The following INPP5B variants were observed in gnomAD, a reference collection of about 807,000 sequenced individuals.
INPP5B encodes the protein inositol polyphosphate-5-phosphatase B, also known as type II inositol 1,4,5-trisphosphate 5-phosphatase.
INPP5B carries 90 observed loss-of-function variants against 118.5 expected under a neutral mutation model. The ratio of observed to expected loss-of-function variants is 0.76; its 90% CI spans 0.64 to 0.90. The LOEUF is 0.90. Ranked by LOEUF, INPP5B falls within the 40% of genes least tolerant of loss-of-function variation. The probability of loss-of-function intolerance (pLI) is 0.00; values close to 1 mark genes in which losing one functional copy is unlikely to be tolerated. For missense variants in INPP5B, 984 were observed against 1,125.6 expected, an observed-to-expected ratio of 0.87 and a Z score of 1.80; for synonymous variants, 385 against 418.9, an observed-to-expected ratio of 0.92 and a Z score of 0.99.
chr1:37,927,989 C>T (rs1264918294), intron 7 of INPP5B, among the ~76,000 whole-genome samples: 2 of 152,162 alleles, frequency 1.3e-5, no homozygotes, highest in Non-Finnish European at 2.9e-5. Context: ...ACCAGATTCA[C>T]CTATCCCCCA....
At chr1:37,882,238 A>G (rs559198830) in intron 14 of INPP5B, among the ~76,000 whole-genome samples, 1 of 152,238 alleles carries the variant, frequency 6.6e-6, no homozygotes, top group Admixed American at 6.5e-5. Context: ...TCTGAAATCT[A>G]CTGAAAGAAG....
intron 7 of INPP5B, among the ~76,000 whole-genome samples, chr1:37,899,599 TAGGCCAAAAGG>T (rs1350360061): frequency 6.6e-6 from 1 of 152,042 alleles, no homozygotes; most frequent in East Asian, 1.9e-4. Context: ...AAGGTACCTC[TAGGCCAAAAGG>T]AATCCCTAAC....
At chr1:37,946,712 T>C (rs1646122970) in intron 1 of INPP5B, among the ~76,000 whole-genome samples, 1 of 152,162 alleles carries the variant, frequency 6.6e-6, no homozygotes, top group African/African-American at 2.4e-5. Context: ...TTTGTTCTGC[T>C]AGCGCCTCTC....
chr1:37,897,305 G>A (rs529003598), intron 7 of INPP5B, among the ~76,000 whole-genome samples: 1 of 147,734 alleles, frequency 6.8e-6, no homozygotes, highest in Non-Finnish European at 1.5e-5. Flanking sequence ...GGGGAAGGTG[G>A]GGAAAAGATT....
intron 6 of INPP5B, among the ~76,000 whole-genome samples, chr1:37,937,657 C>T (rs1645746396): frequency 1.3e-5 from 2 of 151,968 alleles, no homozygotes; most frequent in East Asian, 1.9e-4. Context: ...GTCCCAGCTA[C>T]TCGGGACGCT....
chr1:37,884,991 G>A (rs1408012257), intron 13 of INPP5B: 1 of 152,036 alleles, frequency 6.6e-6, no homozygotes, highest in Non-Finnish European at 1.5e-5. Context: ...ACCTTCCCAA[G>A]GACACATGAT....
chr1:37,928,280 T>C (rs1490263575), intron 7 of INPP5B, among the ~76,000 whole-genome samples: 4 of 152,054 alleles, frequency 2.6e-5, no homozygotes, highest in Non-Finnish European at 5.9e-5. Flanking sequence ...TTCAACTGAT[T>C]CTCCTGCCTC....
At chr1:37,931,488 C>T in intron 7 of INPP5B, 2 of 1,533,892 alleles carry the variant, frequency 1.3e-6, no homozygotes, top group Non-Finnish European at 8.7e-7. Flanking sequence ...ACCCTCGTCA[C>T]GCACGCCTAA....
At chr1:37,940,650 A>G in intron 6 of INPP5B, 38 bp downstream of exon 6, 1 of 1,263,192 alleles carries the variant, frequency 7.9e-7, no homozygotes, top group Non-Finnish European at 1.2e-6. Context: ...AATACCCAGC[A>G]ACCCACCCAC....
chr1:37,916,667 C>G (rs993188853), intron 7 of INPP5B, among the ~76,000 whole-genome samples: 1 of 152,174 alleles, frequency 6.6e-6, no homozygotes, highest in South Asian at 2.1e-4. Context: ...CCGCCTGCCT[C>G]AGCCTCCCAA....
chr1:37,934,040 T>C (rs2148670628), intron 6 of INPP5B, among the ~76,000 whole-genome samples: 1 of 152,010 alleles, frequency 6.6e-6, no homozygotes, highest in South Asian at 2.1e-4. Context: ...TTCAAATGAT[T>C]CTCCTGCCTC....
At position 37,917,308 on chromosome 1, in the gene INPP5B, T is replaced by TTATATATATATATATA. The variant is rs368327131; in HGVS notation, c.532+14589_532+14604dup. On this transcript the variant is annotated intron_variant, in intron 7 of 23. Transcript: ENST00000373024. ...CGTCTCGGGGGAAAAAAAAAAATAA[T>TTATATATATATATATA]TATATATATATATATATATATATAT... Among the ~76,000 whole-genome samples the TTATATATATATATATA allele has an allele frequency of 8.1e-3, 747 of 92,650 alleles. 15 individuals are homozygous for TTATATATATATATATA. The highest frequency in any genetic ancestry group is 0.011 in the Non-Finnish European group (533 of 48,722). 60.8% of individuals were successfully genotyped at this position (92,650 alleles called of 152,430 possible).
chr1:37,903,974 T>C (rs1644419005), intron 7 of INPP5B, among the ~76,000 whole-genome samples: 1 of 152,190 alleles, frequency 6.6e-6, no homozygotes, highest in Non-Finnish European at 1.5e-5. Context: ...CTTTGGGAAA[T>C]AAAAACAGTT....
intron 7 of INPP5B, among the ~76,000 whole-genome samples, chr1:37,896,488 G>T (rs1455020085): frequency 4.2e-5 from 6 of 143,284 alleles, no homozygotes; most frequent in African/African-American, 1.6e-4. Flanking sequence ...TCAGCCCCCC[G>T]CCCGGCCAGC....
intron 7 of INPP5B, chr1:37,930,437 G>A (rs1228932738): frequency 6.6e-6 from 1 of 152,246 alleles, no homozygotes; most frequent in Non-Finnish European, 1.5e-5. Flanking sequence ...CTGGTGTACT[G>A]GCTGAGAACA....
chr1:37,929,474 G>A (rs918850902), intron 7 of INPP5B: 2 of 152,014 alleles, frequency 1.3e-5, no homozygotes, highest in Non-Finnish European at 2.9e-5. Context: ...ATCAAAAAGT[G>A]GGTATTTTGA....
At chr1:37,936,175 ACC>A (rs941683044) in intron 6 of INPP5B, among the ~76,000 whole-genome samples, 1 of 151,742 alleles carries the variant, frequency 6.6e-6, no homozygotes, top group African/African-American at 2.4e-5. Flanking sequence ...CTCTCTGCTG[ACC>A]CCTCCTGGCT....
At chr1:37,938,025 C>A (rs998986603) in intron 6 of INPP5B, among the ~76,000 whole-genome samples, 1 of 148,608 alleles carries the variant, frequency 6.7e-6, no homozygotes, top group Non-Finnish European at 1.5e-5. Context: ...GTAATCCCAG[C>A]ACATTGGGAG....
chr1:37,885,619 G>T lies in INPP5B; in HGVS notation c.1319+19C>A. On this transcript the variant is annotated intron_variant, in intron 13 of 23. Coordinates refer to ENST00000373024, the MANE Select transcript of INPP5B (RefSeq NM_005540.3). Reference sequence around the variant, plus strand: ...TATGTACTCATGGTGAACCGCATGGGGTGGAAGCCCAGACTCACTCATGGT... The same window carrying T: ...TATGTACTCATGGTGAACCGCATGGTGTGGAAGCCCAGACTCACTCATGGT... 6.2e-7 allele frequency: 1 copy of T among 1,610,824 alleles called. No homozygotes were observed. Among genetic ancestry groups the T allele is most frequent in the Non-Finnish European group, 8.5e-7 (1 of 1,178,294 alleles).
Sources: allele counts gnomAD v4.1 joint callset (sites outside exome capture counted in the v4.1 genomes callset), GRCh38; gene constraint gnomAD v4.1.1; transcripts MANE v1.5; gene names NCBI Gene and HGNC (gene_info 2026-07-23, HGNC 2026-07-21).